Variants in LRFN4 observed in about 807,000 individuals in gnomAD.
LRFN4 encodes the protein leucine-rich repeat and fibronectin type-III domain-containing protein 4.
In LRFN4, 10 loss-of-function variants were observed where a neutral mutation model predicts 29.0. The ratio of observed to expected loss-of-function variants is 0.35; its 90% confidence interval spans 0.21 to 0.59. The LOEUF (loss-of-function observed/expected upper bound fraction) is 0.59. LRFN4 is among the 20% of genes least tolerant of loss of function. LRFN4 has a pLI of 0.82. For missense variants in LRFN4, 850 were observed against 907.9 expected, an observed-to-expected ratio of 0.94 and a Z score of 0.82; for synonymous variants, 493 against 437.0, an observed-to-expected ratio of 1.13 and a Z score of -1.60.
rs1405821991 is a variant in LRFN4, at chr11:66,859,963, A to G, written c.1676A>G (p.Gln559Arg). The G allele has an allele frequency of 6.2e-7, 1 of 1,601,398 alleles. No homozygotes were observed. The highest frequency in any genetic ancestry group is 8.5e-7 in the Non-Finnish European group (1 of 1,174,258). Residue 559 changes from glutamine (Q) to arginine (R), a missense_variant, in exon 2 of 2, where the codon CAG becomes CGG. Gln to Arg is a conservative substitution (Grantham distance 43). Around this residue, in one of 2 missense-constraint regions of LRFN4, gnomAD observed 744 missense variants for 753.8 expected, o/e 0.99. Coordinates refer to ENST00000309602, the MANE Select transcript of LRFN4 (RefSeq NM_024036.5). Reference sequence around the variant, plus strand: ...CTCAAGCTCAGCCACGTCCAGTCCCAGACCAATGGAGGCCCCAGCCCCACA... The same window carrying G: ...CTCAAGCTCAGCCACGTCCAGTCCCGGACCAATGGAGGCCCCAGCCCCACA... ...LPLKLSHVQS[Q>R]TNGGPSPTPK...
chr11:66,858,500 C>A lies in LRFN4; in HGVS notation c.756C>A (p.Asp252Glu). 6.5e-7 allele frequency: 1 copy of A among 1,537,658 alleles called. No homozygotes were observed. Among genetic ancestry groups the A allele is most frequent in the African/African-American group, 1.4e-5 (1 of 73,244 alleles). ...GGCTGCGGCGGCTGGCGCGGCCGGA[C>A]GACCTGGAAACGTGCGCCTCCCCGC... Reference protein sequence around the residue: ...LLWLRRLARPDDLETCASPPG... With the variant: ...LLWLRRLARPEDLETCASPPG... Residue 252 changes from aspartate (D) to glutamate (E), a missense_variant, in exon 1 of 2, where the codon GAC (aspartate) becomes GAA (glutamate). Coordinates refer to ENST00000309602, the MANE Select transcript of LRFN4 (RefSeq NM_024036.5). The surrounding 1 kb of genome is among the most constrained non-coding windows in gnomAD (Gnocchi z 5.9).
Position 66,858,198 on chromosome 11 carries a change from C to T in LRFN4, c.454C>T (p.Leu152=), listed in dbSNP as rs1340075179. 4 of 1,612,356 alleles carry T rather than the reference C, an allele frequency of 2.5e-6. No individual in the cohort carries two copies. The highest frequency in any genetic ancestry group is 1.1e-5 in the South Asian group (1 of 91,060). Residue 152 remains leucine (L), a synonymous_variant, in exon 1 of 2, where the codon CTG becomes TTG. Coordinates refer to ENST00000309602, the MANE Select transcript of LRFN4 (RefSeq NM_024036.5). The surrounding 1 kb of genome is among the most constrained non-coding windows in gnomAD (Gnocchi z 5.9). ...CCTAGAGAGCCTGGAGGACCTGGAC[C>T]TGTCCTACAACAACCTCCGGCAGGT... is the stretch of plus-strand genomic sequence containing the variant. ...DFLESLEDLD[L]SYNNLRQVPW...
At position 66,860,171 on chromosome 11, in the gene LRFN4, G is replaced by A. The variant is rs1273994192; in HGVS notation, c.1884G>A (p.Glu628=). The change falls in exon 2 of 2, where the codon GAG becomes GAA. Residue 628 remains glutamate (E), a synonymous_variant. Transcript: ENST00000309602. ...AGCRGVGGSA[E]RLEESVV Reference sequence around the variant, plus strand: ...GCCGGGGGGTAGGAGGCAGCGCCGAGCGGCTGGAAGAGAGTGTGGTGTGAT... The same window carrying A: ...GCCGGGGGGTAGGAGGCAGCGCCGAACGGCTGGAAGAGAGTGTGGTGTGAT... 1 of 1,546,726 alleles carries A rather than the reference G, an allele frequency of 6.5e-7. No homozygotes were observed. Among genetic ancestry groups the A allele is most frequent in the Middle Eastern group, 1.7e-4 (1 of 5,990 alleles).
In LRFN4 at chr11:66,858,313, C is replaced by T. The variant is rs1219903804; in HGVS notation, c.569C>T (p.Ala190Val). ...GACGCACTGCCCCCAGGCGCCTTCG[C>T]CCAGCTCGGTCAGCTCTCCCGCCTG... ...LIDALPPGAF[A>V]QLGQLSRLDL... The change falls in exon 1 of 2, where the codon GCC (alanine) becomes GTC (valine). Residue 190 changes from alanine to valine, a missense_variant. Around this residue, in one of 2 missense-constraint regions of LRFN4, gnomAD observed 744 missense variants for 753.8 expected, o/e 0.99. Transcript: ENST00000309602. This position sits in a 1 kb window ranked among gnomAD's most constrained non-coding sequence, Gnocchi z 5.9. The T allele has an allele frequency of 6.2e-7, 1 of 1,609,578 alleles. No homozygotes were observed. Among genetic ancestry groups the T allele is most frequent in the Non-Finnish European group, 8.5e-7 (1 of 1,179,518 alleles).
chr11:66,860,253 G>A lies in LRFN4; in HGVS notation c.*58G>A. ...TGAGCCTCGTGGGGCAGAGGGCCCG[G>A]GGCCGCCGCCTGGCCTGGGAGTCCC... On this transcript the variant is annotated 3_prime_UTR_variant, in exon 2 of 2. Coordinates refer to ENST00000309602, the MANE Select transcript of LRFN4 (RefSeq NM_024036.5). 1 of 1,537,000 alleles carries A rather than the reference G, an allele frequency of 6.5e-7. No homozygotes were observed. The highest frequency in any genetic ancestry group is 1.2e-5 in the South Asian group (1 of 84,062).
Position 66,859,102 on chromosome 11 carries a change from G to A in LRFN4, c.1349+9G>A, listed in dbSNP as rs764472221. The A allele has an allele frequency of 6.7e-6, 10 of 1,484,080 alleles. No homozygotes were observed. The African/African-American group carries it at 7.2e-5, about 11-fold the overall frequency. 91.9% of individuals were successfully genotyped at this position (1,484,080 alleles called of 1,614,324 possible). ...GAGACCCTCATCTACCGGTGAGGAT[G>A]CGTGCCCCACACCCGGCTGCACTCC... On this transcript the variant is annotated intron_variant, in intron 1 of 1. Transcript: ENST00000309602.
Position 66,858,623 on chromosome 11 carries a change from G to A in LRFN4, c.879G>A (p.Leu293=), listed in dbSNP as rs1160366676. 2 of 1,536,792 alleles carry A rather than the reference G, an allele frequency of 1.3e-6. No homozygotes were observed. Among genetic ancestry groups the A allele is most frequent in the Non-Finnish European group, 1.7e-6 (2 of 1,143,944 alleles). ...GCCACACGCAGCGCCTCTGGGTGCT[G>A]GAAGGCCAGCGGGCCACGCTGCGGT... ...IARHTQRLWV[L]EGQRATLRCR... is the part of the protein sequence containing the mutation. Residue 293 remains leucine (L), a synonymous_variant, in exon 1 of 2, where the codon CTG becomes CTA. Coordinates refer to ENST00000309602, the MANE Select transcript of LRFN4 (RefSeq NM_024036.5). The surrounding 1 kb of genome is among the most constrained non-coding windows in gnomAD (Gnocchi z 5.9).
rs1565229829 is a variant in LRFN4 at position 66,860,235 on chromosome 11, CGTG to C, written c.*42_*44del. Reference sequence around the variant, plus strand: ...CCTGTGTGCTCCAAGGGATGAGCCTCGTGGGGCAGAGGGCCCGGGGCCGCCGCC... The same window carrying C: ...CCTGTGTGCTCCAAGGGATGAGCCTCGGGCAGAGGGCCCGGGGCCGCCGCC... On this transcript the variant is annotated 3_prime_UTR_variant, in exon 2 of 2. Transcript: ENST00000309602. 6.5e-7 allele frequency: 1 copy of C among 1,538,996 alleles called. No individual in the cohort carries two copies. The highest frequency in any genetic ancestry group is 2.0e-5 in the Admixed American group (1 of 51,010).
At chr11:66,859,343 C>T (rs1034280139) in intron 1 of LRFN4, among the ~76,000 whole-genome samples, 1 of 152,194 alleles carries the variant, frequency 6.6e-6, no homozygotes, top group Non-Finnish European at 1.5e-5. Context: ...CAGGCCTCCC[C>T]GGCAGCAGGT....
Position 66,858,545 on chromosome 11 carries a change from C to T in LRFN4, c.801C>T (p.Tyr267=), listed in dbSNP as rs1227907087. 3.3e-6 allele frequency: 5 copies of T among 1,533,730 alleles called. No homozygotes were observed. Among genetic ancestry groups the T allele is most frequent in the African/African-American group, 2.7e-5 (2 of 72,950 alleles). ...CCCCGCCCGGCCTGGCCGGCCGCTA[C>T]TTCTGGGCAGTGCCCGAGGGCGAGT... ...CASPPGLAGR[Y]FWAVPEGEFS... The change falls in exon 1 of 2, where the codon TAC becomes TAT. Residue 267 remains tyrosine, a synonymous_variant. Coordinates refer to ENST00000309602, the MANE Select transcript of LRFN4 (RefSeq NM_024036.5). This position sits in a 1 kb window ranked among gnomAD's most constrained non-coding sequence, Gnocchi z 5.9.
rs149249022 is a variant in LRFN4, at chr11:66,858,255, C to T, written c.511C>T (p.Leu171=). The part of the protein sequence containing the change: ...PWAGIGAMPA[L]HTLNLDHNLI... ...GGCCGGCATCGGCGCCATGCCTGCC[C>T]TGCACACCCTCAACCTGGACCATAA... Residue 171 remains leucine, a synonymous_variant, in exon 1 of 2, where the codon CTG becomes TTG. Coordinates refer to ENST00000309602, the MANE Select transcript of LRFN4 (RefSeq NM_024036.5). This position sits in a 1 kb window ranked among gnomAD's most constrained non-coding sequence, Gnocchi z 5.9. The T allele has an allele frequency of 1.8e-5, 29 of 1,612,494 alleles. No homozygotes were observed. In the African/African-American group the frequency reaches 3.1e-4, roughly 17 times the overall value.
In LRFN4 at chr11:66,858,756, A is replaced by T; in HGVS notation, c.1012A>T (p.Ile338Phe). Residue 338 changes from isoleucine to phenylalanine, a missense_variant, in exon 1 of 2, where the codon ATT (isoleucine) becomes TTT (phenylalanine). By Grantham distance (21) the Ile-to-Phe change is conservative. This residue lies in a region of LRFN4 where 744 missense variants were observed against 753.8 expected (regional missense o/e 0.99). Coordinates refer to ENST00000309602, the MANE Select transcript of LRFN4 (RefSeq NM_024036.5). This position sits in a 1 kb window ranked among gnomAD's most constrained non-coding sequence, Gnocchi z 5.9. ...GGCTTTCCCCAACGGGACCTTAGAG[A>T]TTGGGGTGACCGGCGCTGGGGACGC... ...ARAFPNGTLE[I>F]GVTGAGDAGG... 6.4e-7 allele frequency: 1 copy of T among 1,553,788 alleles called. No homozygotes were observed. The highest frequency in any genetic ancestry group is 8.7e-7 in the Non-Finnish European group (1 of 1,149,014).
Position 66,859,976 on chromosome 11 carries a change from C to T in LRFN4, c.1689C>T (p.Gly563=), listed in dbSNP as rs1202974212. The T allele has an allele frequency of 6.2e-7, 1 of 1,600,696 alleles. No individual in the cohort carries two copies. The highest frequency in any genetic ancestry group is 8.5e-7 in the Non-Finnish European group (1 of 1,173,704). The change falls in exon 2 of 2, where the codon GGC becomes GGT. Residue 563 remains glycine (G), a synonymous_variant. Transcript: ENST00000309602. The part of the protein sequence containing the change: ...LSHVQSQTNG[G]PSPTPKAHPP... Reference sequence around the variant, plus strand: ...ACGTCCAGTCCCAGACCAATGGAGGCCCCAGCCCCACACCCAAGGCCCACC... The same window carrying T: ...ACGTCCAGTCCCAGACCAATGGAGGTCCCAGCCCCACACCCAAGGCCCACC...
chr11:66,858,473 G>C lies in LRFN4; in HGVS notation c.729G>C (p.Leu243=), dbSNP rs1457666425. Residue 243 remains leucine, a synonymous_variant, in exon 1 of 2, where the codon CTG becomes CTC. Coordinates refer to ENST00000309602, the MANE Select transcript of LRFN4 (RefSeq NM_024036.5). The surrounding 1 kb of genome is among the most constrained non-coding windows in gnomAD (Gnocchi z 5.9). ...GNPLHCNCEL[L]WLRRLARPDD... The stretch of plus-strand genomic sequence containing the variant: ...CCCTGCACTGCAACTGTGAGCTGCT[G>C]TGGCTGCGGCGGCTGGCGCGGCCGG... 3.2e-6 allele frequency: 5 copies of C among 1,546,810 alleles called. No homozygotes were observed. The highest frequency in any genetic ancestry group is 4.3e-6 in the Non-Finnish European group (5 of 1,152,670).
In LRFN4 at chr11:66,860,003, G is replaced by A. The variant is rs775292478; in HGVS notation, c.1716G>A (p.Pro572=). ...CCAGCCCCACACCCAAGGCCCACCCGCCGCGGAGCCCCCCGCCCCGGCCGC... is the reference window on the plus strand; with the variant it reads ...CCAGCCCCACACCCAAGGCCCACCCACCGCGGAGCCCCCCGCCCCGGCCGC... ...GGPSPTPKAH[P]PRSPPPRPQR... The change falls in exon 2 of 2, where the codon CCG becomes CCA. Residue 572 remains proline (P), a synonymous_variant. Coordinates refer to ENST00000309602, the MANE Select transcript of LRFN4 (RefSeq NM_024036.5). 1.5e-5 allele frequency: 24 copies of A among 1,592,238 alleles called. No homozygotes were observed. Among genetic ancestry groups the A allele is most frequent in the South Asian group, 6.7e-5 (6 of 89,132 alleles).
Position 66,857,945 on chromosome 11 carries a change from C to T in LRFN4, c.201C>T (p.Asp67=). 1 of 1,612,590 alleles carries T rather than the reference C, an allele frequency of 6.2e-7. No homozygotes were observed. The highest frequency in any genetic ancestry group is 8.5e-7 in the Non-Finnish European group (1 of 1,179,942). The change falls in exon 1 of 2, where the codon GAC becomes GAT. Residue 67 remains aspartate, a synonymous_variant. Coordinates refer to ENST00000309602, the MANE Select transcript of LRFN4 (RefSeq NM_024036.5). The surrounding 1 kb of genome is among the most constrained non-coding windows in gnomAD (Gnocchi z 7.1). ...TCATCCAGGCCCTGGGGCCCCCTGA[C>T]TTCCGCAACATGACGGGACTGGTGG... ...DNFIQALGPP[D]FRNMTGLVDL...
intron 1 of LRFN4, 63 bp downstream of exon 1, chr11:66,859,156 C>T (rs1293673494): frequency 6.8e-7 from 1 of 1,462,190 alleles, no homozygotes; most frequent in Non-Finnish European, 9.0e-7. Flanking sequence ...CTCTGCTCCC[C>T]ACAAGGCTTT....
chr11:66,860,251 CGG>C lies in LRFN4; in HGVS notation c.*59_*60del. ...GATGAGCCTCGTGGGGCAGAGGGCCCGGGGCCGCCGCCTGGCCTGGGAGTCCC... is the reference window on the plus strand; with the variant it reads ...GATGAGCCTCGTGGGGCAGAGGGCCCGGCCGCCGCCTGGCCTGGGAGTCCC... On this transcript the variant is annotated 3_prime_UTR_variant, in exon 2 of 2. Transcript: ENST00000309602. 6.5e-7 allele frequency: 1 copy of C among 1,536,614 alleles called. No homozygotes were observed. Among genetic ancestry groups the C allele is most frequent in the Non-Finnish European group, 8.7e-7 (1 of 1,146,098 alleles).
chr11:66,859,146 C>T (rs890058412), intron 1 of LRFN4, 53 bp downstream of exon 1: 17 of 1,470,252 alleles, frequency 1.2e-5, no homozygotes, highest in South Asian at 3.0e-5. Context: ...TTCCTCCGCC[C>T]TCTGCTCCCC....
Sources: gnomAD v4.1 joint callset for allele counts (sites outside exome capture counted in the v4.1 genomes callset) on GRCh38, gnomAD v4.1.1 for gene constraint, gnomAD v4.1.1 regional missense constraint, Gnocchi (gnomAD v3.1) non-coding constraint, MANE v1.5 for transcripts, NCBI Gene and HGNC (gene_info 2026-07-23, HGNC 2026-07-21) for gene names.